Variants in RSPH6A observed in about 807,000 individuals in gnomAD.
RSPH6A encodes the protein radial spoke head 6 homolog A, also known as radial spoke head protein 6 homolog A.
RSPH6A carries 49 observed loss-of-function variants against 66.1 expected under a neutral mutation model. The ratio of observed to expected loss-of-function variants is 0.74; its 90% CI spans 0.59 to 0.94. RSPH6A has a LOEUF of 0.94. Among genes scored for constraint, RSPH6A ranks in the 40% least tolerant of loss-of-function variants. RSPH6A has a pLI of 0.00. For synonymous variants in RSPH6A, 419 were observed against 402.4 expected, an observed-to-expected ratio of 1.04 and a Z score of -0.49; for missense variants, 977 against 948.3, an observed-to-expected ratio of 1.03 and a Z score of -0.40.
intron 4 of RSPH6A, among the ~76,000 whole-genome samples, 167 bp from the exon 5 acceptor site, chr19:45,800,730 C>CCACACACACA: frequency 8.8e-6 from 1 of 113,332 alleles, no homozygotes; most frequent in African/African-American, 3.5e-5. Flanking sequence ...TCGCTGCAGA[C>CCACACACACA]CACACACACA....
chr19:45,799,127 C>G (rs1426287400), intron 5 of RSPH6A, among the ~76,000 whole-genome samples: 1 of 152,218 alleles, frequency 6.6e-6, no homozygotes, highest in Non-Finnish European at 1.5e-5. Flanking sequence ...CCCACCACGG[C>G]TGTGATTCAT....
intron 2 of RSPH6A, among the ~76,000 whole-genome samples, chr19:45,806,848 CA>C (rs1207114655): frequency 2.0e-5 from 3 of 151,894 alleles, no homozygotes; most frequent in Non-Finnish European, 4.4e-5. Flanking sequence ...AGGCTGTCCC[CA>C]ACACTTTATT....
chr19:45,803,710 A>T (rs1970502092), intron 3 of RSPH6A, among the ~76,000 whole-genome samples: 1 of 147,314 alleles, frequency 6.8e-6, no homozygotes. Flanking sequence ...AAAAAAAACC[A>T]GCCAGGGCGC....
At chr19:45,803,609 G>A (rs1272192424) in intron 3 of RSPH6A, among the ~76,000 whole-genome samples, 3 of 150,726 alleles carry the variant, frequency 2.0e-5, no homozygotes, top group African/African-American at 4.9e-5. Flanking sequence ...CTAGGGAGGC[G>A]GAGGTTGCGG....
At chr19:45,813,700 C>A (rs911838160) in intron 1 of RSPH6A, among the ~76,000 whole-genome samples, 1 of 152,186 alleles carries the variant, frequency 6.6e-6, no homozygotes, top group Non-Finnish European at 1.5e-5. Flanking sequence ...TATTTTTCAC[C>A]TGAGTCCTTA....
At chr19:45,808,753 CT>C (rs1164137650) in intron 2 of RSPH6A, among the ~76,000 whole-genome samples, 1 of 144,526 alleles carries the variant, frequency 6.9e-6, no homozygotes, top group Non-Finnish European at 1.5e-5. Flanking sequence ...GCTCCGCCTC[CT>C]GGGTCCATGC....
chr19:45,803,567 T>G (rs1472300751), intron 3 of RSPH6A, among the ~76,000 whole-genome samples: 1 of 151,702 alleles, frequency 6.6e-6, no homozygotes, highest in Non-Finnish European at 1.5e-5. Context: ...TCCCAGCTAC[T>G]TGGGAGGCTG....
Position 45,810,669 on chromosome 19 carries a change from T to C in RSPH6A, c.822A>G (p.Lys274=). Reference sequence around the variant, plus strand: ...CACTCCGGGTGAACAGCGCCTTCTGTTTCTCCGCCATCTTGTAGGTGGGCT... The same window carrying C: ...CACTCCGGGTGAACAGCGCCTTCTGCTTCTCCGCCATCTTGTAGGTGGGCT... ...EMQPTYKMAE[K]QKALFTRSGG... is the part of the protein sequence containing the mutation. The change falls in exon 2 of 6, where the codon AAA becomes AAG. Residue 274 remains lysine (K), a synonymous_variant. Transcript: ENST00000221538. The C allele has an allele frequency of 6.2e-7, 1 of 1,613,870 alleles. No homozygotes were observed. The highest frequency in any genetic ancestry group is 8.5e-7 in the Non-Finnish European group (1 of 1,179,990).
intron 2 of RSPH6A, among the ~76,000 whole-genome samples, chr19:45,808,911 C>A (rs181219923): frequency 6.6e-6 from 1 of 151,600 alleles, no homozygotes; most frequent in African/African-American, 2.4e-5. Flanking sequence ...AGGTGATCCA[C>A]CTGCCTCGGC....
At chr19:45,811,971 G>C (rs1970635957) in intron 1 of RSPH6A, among the ~76,000 whole-genome samples, 1 of 150,258 alleles carries the variant, frequency 6.7e-6, no homozygotes. Flanking sequence ...AGTAGAGACG[G>C]GGTTTCACTA....
intron 5 of RSPH6A, among the ~76,000 whole-genome samples, chr19:45,798,430 G>A (rs953384894): frequency 6.6e-6 from 1 of 151,140 alleles, no homozygotes; most frequent in African/African-American, 2.4e-5. Flanking sequence ...ATCCTAGTAT[G>A]TTGGGAGGCT....
Position 45,811,753 on chromosome 19 carries a change from T to TA in RSPH6A, c.651-914dup, listed in dbSNP as rs1229828639. On this transcript the variant is annotated intron_variant, in intron 1 of 5. Transcript: ENST00000221538. ...ACCTGGCCAACATTTGTATTATTAT[T>TA]ATTATTATTATTATTATTATTATTA... Among the ~76,000 whole-genome samples the TA allele has an allele frequency of 6.8e-4, 13 of 19,026 alleles. 1 individual carries two copies. The Admixed American group carries it at 7.5e-3, about 11-fold the overall frequency. 12.5% of individuals were successfully genotyped at this position (19,026 alleles called of 152,430 possible).
chr19:45,804,446 G>C lies in RSPH6A; in HGVS notation c.1459C>G (p.Arg487Gly). 6.2e-7 allele frequency: 1 copy of C among 1,613,942 alleles called. No individual in the cohort carries two copies. Among genetic ancestry groups the C allele is most frequent in the South Asian group, 1.1e-5 (1 of 91,062 alleles). The stretch of plus-strand genomic sequence containing the variant: ...CTGACCTGCGTGGCGGCCGAGATGC[G>C]GGCTATCTGGGCCCGCAGGTAGTTG... ...EANYLRAQIA[R>G]ISAATQVSPL... Residue 487 changes from arginine to glycine, a missense_variant, in exon 3 of 6, where the codon CGC becomes GGC. Arg to Gly is a moderately radical substitution (Grantham distance 125, BLOSUM62 -2). Transcript: ENST00000221538. The surrounding 1 kb of genome is among the most constrained non-coding windows in gnomAD (Gnocchi z 5.8).
In RSPH6A at chr19:45,814,660, G is replaced by A. The variant is rs753569714; in HGVS notation, c.517C>T (p.Leu173Phe). Residue 173 changes from leucine to phenylalanine, a missense_variant, in exon 1 of 6, where the codon CTT (leucine) becomes TTT (phenylalanine). By Grantham distance (22) the Leu-to-Phe change is conservative. Coordinates refer to ENST00000221538, the MANE Select transcript of RSPH6A (RefSeq NM_030785.4). ...HGPYIRDDPALQFLPSELGFP... is the reference protein window; with the variant it reads ...HGPYIRDDPAFQFLPSELGFP... ...CCCAGCTCAGAGGGCAAGAACTGAA[G>A]GGCAGGGTCATCCCTTATGTAAGGC... The A allele has an allele frequency of 1.7e-5, 28 of 1,610,674 alleles. No homozygotes were observed. Among genetic ancestry groups the A allele is most frequent in the African/African-American group, 2.7e-5 (2 of 74,896 alleles).
intron 3 of RSPH6A, among the ~76,000 whole-genome samples, chr19:45,803,988 T>G (rs1970505879): frequency 8.6e-6 from 1 of 115,868 alleles, no homozygotes. Flanking sequence ...AGCGAGACTC[T>G]GTCTCAAAAA....
intron 5 of RSPH6A, among the ~76,000 whole-genome samples, chr19:45,797,372 C>T (rs1457007575): frequency 1.4e-5 from 2 of 145,334 alleles, no homozygotes; most frequent in Non-Finnish European, 3.0e-5. Context: ...CAGAGTGAGA[C>T]TCTGTCTCAA....
At chr19:45,803,305 T>C (rs147520201) in intron 3 of RSPH6A, among the ~76,000 whole-genome samples, 336 of 151,174 alleles carry the variant, frequency 2.2e-3, no homozygotes, top group Middle Eastern at 6.9e-3. Context: ...GCTTGAGCCC[T>C]GGAGGTCAGG....
rs775835952 is a variant in RSPH6A, at chr19:45,804,354, G to A, written c.1551C>T (p.Arg517=). The A allele has an allele frequency of 6.8e-6, 11 of 1,614,032 alleles. No individual in the cohort carries two copies. Among genetic ancestry groups the A allele is most frequent in the Middle Eastern group, 1.6e-4 (1 of 6,084 alleles). The change falls in exon 3 of 6, where the codon CGC becomes CGT. Residue 517 remains arginine (R), a synonymous_variant. Coordinates refer to ENST00000221538, the MANE Select transcript of RSPH6A (RefSeq NM_030785.4). This position sits in a 1 kb window ranked among gnomAD's most constrained non-coding sequence, Gnocchi z 5.8. ...AGTCCGGGTTCTCCTCGTAGGAGTC[G>A]CGCCCAGCACCACCTTCCTCCTCCT... ...GDEEEEGGAG[R]DSYEENPDFE... is the part of the protein sequence containing the mutation.
rs772404570 is a variant in RSPH6A at position 45,796,060 on chromosome 19, CG to C, written c.1962del (p.Glu655ArgfsTer24). 1.8e-5 allele frequency: 29 copies of C among 1,607,774 alleles called. No individual in the cohort carries two copies. Among genetic ancestry groups the C allele is most frequent in the Non-Finnish European group, 2.5e-5 (29 of 1,175,504 alleles). On this transcript the variant is annotated frameshift_variant, in exon 6 of 6. Transcript: ENST00000221538. LOFTEE classifies it high-confidence loss of function. ...IYIGWGHKYS[P>X]ESFNPALPAP... ...GCTGGCAGGGCCGGGTTGAAGCTCT[CG>C]GGGCTGTACTTGTGACCCCAGCCGA...
Sources: allele counts gnomAD v4.1 joint callset (sites outside exome capture counted in the v4.1 genomes callset), GRCh38; gene constraint gnomAD v4.1.1; non-coding constraint Gnocchi (gnomAD v3.1); transcripts MANE v1.5; gene names NCBI Gene and HGNC (gene_info 2026-07-23, HGNC 2026-07-21).